ITPR2: variants seen among roughly 807,000 people sequenced by gnomAD.
ITPR2 encodes the protein inositol 1,4,5-trisphosphate-gated calcium channel ITPR2.
ITPR2 carries 207 observed loss-of-function variants against 317.1 expected under a neutral mutation model. The ratio of observed to expected loss-of-function variants is 0.65; its 90% confidence interval spans 0.58 to 0.73. The LOEUF (loss-of-function observed/expected upper bound fraction) is 0.73. Among genes scored for constraint, ITPR2 ranks in the 30% least tolerant of loss-of-function variants. The probability of loss-of-function intolerance (pLI) is 0.00; values close to 1 mark genes in which losing one functional copy is unlikely to be tolerated. For synonymous variants in ITPR2, 1,156 were observed against 1,149.1 expected (o/e 1.01, Z -0.12); for missense variants, 2,613 against 3,284.0 (o/e 0.80, Z 4.99).
intron 21 of ITPR2, among the ~76,000 whole-genome samples, chr12:26,637,151 T>C (rs2136849885): frequency 6.6e-6 from 1 of 152,288 alleles, no homozygotes; most frequent in South Asian, 2.1e-4. Context: ...TATTATACAA[T>C]TTAATTTTAG....
intron 45 of ITPR2, among the ~76,000 whole-genome samples, chr12:26,447,897 TGCACTGCCAACC>T (rs1331630336): frequency 1.3e-5 from 2 of 151,842 alleles, no homozygotes; most frequent in African/African-American, 4.8e-5. Context: ...ATAGAATGAA[TGCACTGCCAACC>T]AAAGATATTC....
chr12:26,422,964 G>A (rs143190448), intron 49 of ITPR2, among the ~76,000 whole-genome samples: 16 of 152,246 alleles, frequency 1.1e-4, no homozygotes, highest in Non-Finnish European at 1.9e-4. Flanking sequence ...GCAGGACAAG[G>A]TTCTAAGATC....
chr12:26,541,196 A>G (rs1944250499), intron 37 of ITPR2, among the ~76,000 whole-genome samples: 2 of 151,262 alleles, frequency 1.3e-5, no homozygotes, highest in South Asian at 4.2e-4. Flanking sequence ...AGCCGCCTGT[A>G]ATCCCAGCTA....
intron 37 of ITPR2, among the ~76,000 whole-genome samples, chr12:26,538,092 G>A (rs1019089498): frequency 4.6e-5 from 7 of 152,214 alleles, no homozygotes; most frequent in Non-Finnish European, 1.0e-4. Context: ...CATAGAATGA[G>A]AGACAGTATC....
chr12:26,578,872 A>G, intron 33 of ITPR2, 39 bp from the exon 34 acceptor site: 1 of 1,575,270 alleles, frequency 6.3e-7, no homozygotes, highest in South Asian at 1.1e-5. Flanking sequence ...GAGATGCTAA[A>G]CCATTAACAG....
intron 52 of ITPR2, among the ~76,000 whole-genome samples, chr12:26,405,394 C>T (rs1394175919): frequency 1.3e-5 from 2 of 152,060 alleles, no homozygotes; most frequent in Non-Finnish European, 2.9e-5. Context: ...AAACAATAAA[C>T]AAATTCTAAT....
chr12:26,447,177 A>G (rs1941627447), intron 45 of ITPR2, among the ~76,000 whole-genome samples: 1 of 151,706 alleles, frequency 6.6e-6, no homozygotes, highest in Non-Finnish European at 1.5e-5. Context: ...CAATGAAGAA[A>G]TGGGCTAGTT....
intron 34 of ITPR2, 139 bp downstream of exon 34, chr12:26,578,574 A>G: frequency 1.6e-6 from 1 of 634,492 alleles, no homozygotes; most frequent in Admixed American, 2.5e-5. Flanking sequence ...TCATTTGCTG[A>G]TGGCTGCTCT....
In ITPR2 at chr12:26,442,394, A is replaced by C. The variant is rs543264633; in HGVS notation, c.6450+1149T>G. ...GTAAGTGCTCAGTAAACATGTACTG[A>C]ATGTGTGTATTTATAGCTAAATCTC... On this transcript the variant is annotated intron_variant, in intron 46 of 56. Coordinates refer to ENST00000381340, the MANE Select transcript of ITPR2 (RefSeq NM_002223.4). Among the ~76,000 whole-genome samples, 27 of 152,264 alleles carry C rather than the reference A, an allele frequency of 1.8e-4. No individual in the cohort carries two copies. In the South Asian group the frequency reaches 4.1e-3, roughly 23 times the overall value.
At chr12:26,529,902 C>G (rs1487687626) in intron 37 of ITPR2, among the ~76,000 whole-genome samples, 2 of 152,178 alleles carry the variant, frequency 1.3e-5, no homozygotes, top group Non-Finnish European at 2.9e-5. Flanking sequence ...TAAGAATGGA[C>G]CATGCCATTT....
At chr12:26,377,709 C>T (rs1028562286) in intron 55 of ITPR2, among the ~76,000 whole-genome samples, 1 of 152,226 alleles carries the variant, frequency 6.6e-6, no homozygotes, top group Non-Finnish European at 1.5e-5. Context: ...TCTGGATTTG[C>T]ATCCTAGTTC....
intron 32 of ITPR2, among the ~76,000 whole-genome samples, chr12:26,590,225 A>C (rs1945665135): frequency 6.6e-6 from 1 of 152,136 alleles, no homozygotes; most frequent in Non-Finnish European, 1.5e-5. Context: ...AAATTATGAG[A>C]CCAACTAAGA....
chr12:26,664,975 G>A (rs1947590401), intron 14 of ITPR2, among the ~76,000 whole-genome samples: 1 of 151,986 alleles, frequency 6.6e-6, no homozygotes, highest in Non-Finnish European at 1.5e-5. Context: ...TATGTTTTAA[G>A]TATCTTCCTT....
At chr12:26,698,020 A>C (rs1477229831) in intron 9 of ITPR2, among the ~76,000 whole-genome samples, 3 of 152,178 alleles carry the variant, frequency 2.0e-5, no homozygotes, top group African/African-American at 7.2e-5. Flanking sequence ...CAGAAATGAT[A>C]ATTAGAAAAA....
chr12:26,585,168 A>G (rs1945493513), intron 32 of ITPR2, among the ~76,000 whole-genome samples: 1 of 152,202 alleles, frequency 6.6e-6, no homozygotes, highest in African/African-American at 2.4e-5. Flanking sequence ...ACTATGATTA[A>G]CATGTTGGAA....
chr12:26,717,557 A>G (rs1948763527), intron 5 of ITPR2, among the ~76,000 whole-genome samples: 1 of 152,362 alleles, frequency 6.6e-6, no homozygotes. Context: ...AAGATTCATC[A>G]TAGAAGCTCT....
rs563672366 is a variant in ITPR2 at position 26,691,759 on chromosome 12, G to GTT, written c.996+3845_996+3846dup. ...ACAGACATCACGTTGCAATTCTGTT[G>GTT]TTGGGAGCCAGAGACATTCTGTAAG... On this transcript the variant is annotated intron_variant, in intron 10 of 56. Transcript: ENST00000381340. 1.6e-3 allele frequency among the ~76,000 whole-genome samples: 246 copies of GTT among 152,134 alleles called. 1 individual carries two copies. The highest frequency in any genetic ancestry group is 5.7e-3 in the African/African-American group (236 of 41,518).
intron 48 of ITPR2, among the ~76,000 whole-genome samples, chr12:26,433,119 C>T (rs763030872): frequency 1.3e-5 from 2 of 152,156 alleles, no homozygotes; most frequent in African/African-American, 4.8e-5. Flanking sequence ...AAAATGTTAA[C>T]CTTATTCATG....
chr12:26,653,825 C>T, intron 21 of ITPR2, 151 bp downstream of exon 21: 1 of 588,492 alleles, frequency 1.7e-6, no homozygotes, highest in Non-Finnish European at 2.9e-6. Flanking sequence ...GTAAATCCAC[C>T]TTATTATCAC....
Sources: allele counts gnomAD v4.1 joint callset (sites outside exome capture counted in the v4.1 genomes callset), GRCh38; gene constraint gnomAD v4.1.1; transcripts MANE v1.5; gene names NCBI Gene and HGNC (gene_info 2026-07-23, HGNC 2026-07-21).